Variants in UHMK1 observed in about 807,000 individuals in gnomAD.
UHMK1 encodes serine/threonine-protein kinase Kist.
Under a neutral mutation model 44.0 loss-of-function variants are expected in UHMK1, and 18 were observed. The observed-to-expected ratio is 0.41, with a 90% CI of 0.28 to 0.61. The LOEUF is 0.61. Among genes scored for constraint, UHMK1 ranks in the 20% least tolerant of loss-of-function variants. UHMK1 has a pLI of 0.31. For missense variants in UHMK1, 463 were observed against 522.5 expected (o/e 0.89, Z 1.11); for synonymous variants, 231 against 198.5 (o/e 1.16, Z -1.38).
chr1:162,516,124 CT>C (rs1169859225), intron 6 of UHMK1, among the ~76,000 whole-genome samples: 3 of 151,822 alleles, frequency 2.0e-5, no homozygotes, highest in African/African-American at 7.2e-5. Flanking sequence ...CTTGCTGTGA[CT>C]TTTTTTCCAC....
At chr1:162,511,406 G>T (rs1429980634) in intron 4 of UHMK1, among the ~76,000 whole-genome samples, 2 of 151,806 alleles carry the variant, frequency 1.3e-5, no homozygotes, top group African/African-American at 4.8e-5. Flanking sequence ...GGCTCAAGCA[G>T]TCCTCCCACC....
chr1:162,501,306 A>G (rs971282126), intron 3 of UHMK1, among the ~76,000 whole-genome samples: 1 of 151,990 alleles, frequency 6.6e-6, no homozygotes, highest in African/African-American at 2.4e-5. Flanking sequence ...AGTAGCTGGG[A>G]TTACAGGCGC....
chr1:162,509,649 T>C (rs947771838), intron 4 of UHMK1, among the ~76,000 whole-genome samples: 2 of 152,162 alleles, frequency 1.3e-5, no homozygotes, highest in Non-Finnish European at 2.9e-5. Context: ...TTTTTTCGTA[T>C]GTGTGTGTGT....
At chr1:162,512,686 G>A in intron 5 of UHMK1, 39 bp from the exon 6 acceptor site, 3 of 1,609,502 alleles carry the variant, frequency 1.9e-6, no homozygotes, top group Non-Finnish European at 2.5e-6. Context: ...CTTATTTGGG[G>A]GGATTTACAT....
chr1:162,522,568 G>A lies in UHMK1; in HGVS notation c.*18G>A. ...TGCTTTAATCAGTAACCTAAGGACT[G>A]TTTCCTTTTTCTCCTCTTCCATTTC... On this transcript the variant is annotated 3_prime_UTR_variant, in exon 8 of 8. Transcript: ENST00000489294. The A allele has an allele frequency of 6.2e-7, 1 of 1,604,710 alleles. No homozygotes were observed. The highest frequency in any genetic ancestry group is 8.5e-7 in the Non-Finnish European group (1 of 1,175,946).
chr1:162,517,900 C>G (rs1408362073), intron 6 of UHMK1, among the ~76,000 whole-genome samples: 2 of 151,858 alleles, frequency 1.3e-5, no homozygotes, highest in Non-Finnish European at 2.9e-5. Context: ...GAAACTGATA[C>G]TATGTGTTGC....
chr1:162,502,741 A>G (rs1651320761), intron 3 of UHMK1, among the ~76,000 whole-genome samples: 1 of 152,222 alleles, frequency 6.6e-6, no homozygotes, highest in South Asian at 2.1e-4. Context: ...CATAGGCTCT[A>G]AAGTCAAGCT....
At chr1:162,510,130 G>A (rs770151186) in intron 4 of UHMK1, among the ~76,000 whole-genome samples, 1 of 151,790 alleles carries the variant, frequency 6.6e-6, no homozygotes, top group Non-Finnish European at 1.5e-5. Flanking sequence ...CATGTACAAC[G>A]TGTTTTAAAG....
chr1:162,504,886 T>C (rs1320677282), intron 4 of UHMK1, among the ~76,000 whole-genome samples: 4 of 152,182 alleles, frequency 2.6e-5, no homozygotes, highest in Non-Finnish European at 5.9e-5. Context: ...GCGATTCTTG[T>C]GCCTCAGCCT....
At chr1:162,501,963 A>G (rs1651284788) in intron 3 of UHMK1, among the ~76,000 whole-genome samples, 1 of 151,888 alleles carries the variant, frequency 6.6e-6, no homozygotes, top group Non-Finnish European at 1.5e-5. Context: ...AGGTATTTTA[A>G]TACTTGTTTA....
chr1:162,500,419 A>C, intron 2 of UHMK1, 172 bp downstream of exon 2: 1 of 769,020 alleles, frequency 1.3e-6, no homozygotes, highest in Non-Finnish European at 2.0e-6. Flanking sequence ...CCGTGTAAAA[A>C]AAGGACATAA....
chr1:162,505,594 A>G (rs1651440610), intron 4 of UHMK1, among the ~76,000 whole-genome samples: 1 of 152,202 alleles, frequency 6.6e-6, no homozygotes, highest in Non-Finnish European at 1.5e-5. Context: ...TCGCTAGGCG[A>G]TAGGAATTTT....
At chr1:162,510,815 T>TTGA (rs1376963075) in intron 4 of UHMK1, among the ~76,000 whole-genome samples, 3 of 152,144 alleles carry the variant, frequency 2.0e-5, no homozygotes, top group African/African-American at 7.2e-5. Flanking sequence ...TTCATTTCCT[T>TTGA]TGGATATATA....
At chr1:162,513,065 C>G (rs540429796) in intron 6 of UHMK1, 10 of 381,602 alleles carry the variant, frequency 2.6e-5, no homozygotes, top group Admixed American at 2.6e-4. Context: ...CCTCAGCCCC[C>G]CAAGTAGCTG....
At position 162,522,646 on chromosome 1, in the gene UHMK1, G is replaced by A; in HGVS notation, c.*96G>A. ...ACTACCCCCTTACCATTTTAAGAAG[G>A]TACTTTATACATTTATTTAATCCTA... On this transcript the variant is annotated 3_prime_UTR_variant, in exon 8 of 8. Transcript: ENST00000489294. 4.5e-6 allele frequency: 6 copies of A among 1,333,400 alleles called. No individual in the cohort carries two copies. The highest frequency in any genetic ancestry group is 6.2e-6 in the Non-Finnish European group (6 of 972,562). The allele number at this position is 1,333,400 out of a possible 1,614,324, so 82.6% of individuals were successfully genotyped here.
In UHMK1 at chr1:162,529,127, A is replaced by T. The variant is rs1652355525; in HGVS notation, c.*6577A>T. On this transcript the variant is annotated 3_prime_UTR_variant, in exon 8 of 8. Transcript: ENST00000489294. ...ACCTTCACCTCAGAACTACAAGAAT[A>T]TTACAATACATAGTGAATAGTTGTC... 1 of 152,170 alleles carries T rather than the reference A, an allele frequency of 6.6e-6. No individual in the cohort carries two copies. Among genetic ancestry groups the T allele is most frequent in the African/African-American group, 2.4e-5 (1 of 41,464 alleles). 9.4% of individuals were successfully genotyped at this position (152,170 alleles called of 1,614,324 possible).
chr1:162,506,335 A>G (rs572498506), intron 4 of UHMK1, among the ~76,000 whole-genome samples: 1 of 150,490 alleles, frequency 6.6e-6, no homozygotes, highest in South Asian at 2.1e-4. Flanking sequence ...ACTTTGGTAT[A>G]TTTCCTTCCA....
At chr1:162,498,405 C>G in intron 1 of UHMK1, 137 bp downstream of exon 1, 1 of 1,054,096 alleles carries the variant, frequency 9.5e-7, no homozygotes, top group Admixed American at 3.1e-5. Context: ...CCCATCCAGG[C>G]CCCTTTCCCC....
chr1:162,527,422 T>G lies in UHMK1; in HGVS notation c.*4872T>G, dbSNP rs903385109. On this transcript the variant is annotated 3_prime_UTR_variant, in exon 8 of 8. Transcript: ENST00000489294. ...AAATCAGAGAGTATTTAGGAAACTT[T>G]GTATTTTATAGGTGGTCATTAAAGT... 6.6e-6 allele frequency: 1 copy of G among 152,244 alleles called. No homozygotes were observed. Among genetic ancestry groups the G allele is most frequent in the Non-Finnish European group, 1.5e-5 (1 of 67,938 alleles). 9.4% of individuals were successfully genotyped at this position (152,244 alleles called of 1,614,324 possible).
Sources: allele counts gnomAD v4.1 joint callset (sites outside exome capture counted in the v4.1 genomes callset), GRCh38; gene constraint gnomAD v4.1.1; transcripts MANE v1.5; gene names NCBI Gene and HGNC (gene_info 2026-07-23, HGNC 2026-07-21).